SOD2: variants seen among roughly 807,000 people sequenced by gnomAD.
SOD2 encodes superoxide dismutase [Mn], mitochondrial.
Under a neutral mutation model 27.0 loss-of-function variants are expected in SOD2, and 11 were observed. The ratio of observed to expected loss-of-function variants is 0.41; its 90% CI spans 0.26 to 0.67. The LOEUF (loss-of-function observed/expected upper bound fraction) is 0.67, where lower values mean the gene tolerates loss of function less well. Ranked by LOEUF, SOD2 falls within the 30% of genes least tolerant of loss-of-function variation. The probability of loss-of-function intolerance (pLI) is 0.34; values close to 1 mark genes in which losing one functional copy is unlikely to be tolerated. For synonymous variants in SOD2, 105 were observed against 103.0 expected, an observed-to-expected ratio of 1.02 and a Z score of -0.12; for missense variants, 250 against 274.5, an observed-to-expected ratio of 0.91 and a Z score of 0.63.
At chr6:159,734,081 T>C (rs901605539) in intron 1 of SOD2, among the ~76,000 whole-genome samples, 1 of 152,238 alleles carries the variant, frequency 6.6e-6, no homozygotes, top group Non-Finnish European at 1.5e-5. Context: ...GAGTTGAGAT[T>C]GTACGTAGTA....
chr6:159,685,151 A>G (rs143777096), intron 3 of SOD2, 118 bp from the exon 4 acceptor site: 29 of 522,234 alleles, frequency 5.6e-5, no homozygotes, highest in African/African-American at 5.2e-4. Context: ...ATTAGACAAC[A>G]TCAGAATGCG....
Position 159,676,811 on chromosome 6 carries a change from G to A in SOD2, c.*5682C>T, listed in dbSNP as rs577890607. 5.3e-5 allele frequency: 8 copies of A among 152,232 alleles called. No individual in the cohort carries two copies. The highest frequency in any genetic ancestry group is 1.7e-4 in the African/African-American group (7 of 41,542). The allele number at this position is 152,232 out of a possible 1,614,324, so 9.4% of individuals were successfully genotyped here. ...CCTTAAGATCCTCTTTCACAGCAAAGGAGCAGGACTAAAACCAGGCATCTT... is the reference window on the plus strand; with the variant it reads ...CCTTAAGATCCTCTTTCACAGCAAAAGAGCAGGACTAAAACCAGGCATCTT... On this transcript the variant is annotated 3_prime_UTR_variant, in exon 5 of 5. Coordinates refer to ENST00000538183, the MANE Select transcript of SOD2 (RefSeq NM_000636.4).
At chr6:159,705,796 AC>A (rs1392274559) in intron 1 of SOD2, among the ~76,000 whole-genome samples, 52 of 152,184 alleles carry the variant, frequency 3.4e-4, no homozygotes, top group African/African-American at 1.3e-3. Context: ...AAGAAGAGCA[AC>A]TCCAAGACAC....
chr6:159,675,955 C>G lies in SOD2; in HGVS notation c.*6538G>C, dbSNP rs1167979051. On this transcript the variant is annotated 3_prime_UTR_variant, in exon 5 of 5. Transcript: ENST00000538183. ...GTGAAGGATATGAAGAGACACTTCT[C>G]AAAAGAAGACATCCATGCATCCAAC... The G allele has an allele frequency of 1.3e-5, 2 of 152,154 alleles. No homozygotes were observed. The highest frequency in any genetic ancestry group is 4.1e-4 in the South Asian group (2 of 4,828). The allele number at this position is 152,154 out of a possible 1,614,324, so 9.4% of individuals were successfully genotyped here.
chr6:159,727,211 T>A, exon 1 of SOD2: 1 of 1,255,228 alleles, frequency 8.0e-7, no homozygotes, highest in Non-Finnish European at 1.0e-6. Flanking sequence ...GAGCAGCTGC[T>A]CCATTGTGCC....
intron 1 of SOD2, chr6:159,720,616 G>A (rs1470086032): frequency 3.9e-5 from 6 of 152,166 alleles, no homozygotes; most frequent in Non-Finnish European, 7.3e-5. Flanking sequence ...CTGAAACTGA[G>A]ACTATAGTAT....
chr6:159,685,090 TAA>T, intron 3 of SOD2, 57 bp from the exon 4 acceptor site: 1 of 1,337,418 alleles, frequency 7.5e-7, no homozygotes, highest in Non-Finnish European at 1.0e-6. Flanking sequence ...ATAATTACAG[TAA>T]AATGTTATAT....
At chr6:159,709,734 A>G (rs1158277247) in intron 1 of SOD2, among the ~76,000 whole-genome samples, 3 of 152,142 alleles carry the variant, frequency 2.0e-5, no homozygotes, top group Non-Finnish European at 4.4e-5. Context: ...CTAGAACTAG[A>G]AATACCATTT....
chr6:159,732,850 T>TTCTC (rs146820451), intron 1 of SOD2, among the ~76,000 whole-genome samples: 26 of 147,754 alleles, frequency 1.8e-4, no homozygotes, highest in East Asian at 1.2e-3. Context: ...GTCTGCTTCT[T>TTCTC]TCTCTCTCTC....
Position 159,672,398 on chromosome 6 carries a change from C to G in SOD2, c.*10095G>C, listed in dbSNP as rs1273583220. The G allele has an allele frequency of 6.6e-6, 1 of 152,214 alleles. No individual in the cohort carries two copies. Among genetic ancestry groups the G allele is most frequent in the African/African-American group, 2.4e-5 (1 of 41,442 alleles). 9.4% of individuals were successfully genotyped at this position (152,214 alleles called of 1,614,324 possible). A position where few individuals can be genotyped will look rare whatever the true frequency, so the allele number is the denominator to read the frequency against. On this transcript the variant is annotated 3_prime_UTR_variant, in exon 5 of 5. Transcript: ENST00000538183. Reference sequence around the variant, plus strand: ...ATCAGACTAACAGCTGATCTCTCAGCAGAAACTCTACAAGCCAGAAGAGAG... The same window carrying G: ...ATCAGACTAACAGCTGATCTCTCAGGAGAAACTCTACAAGCCAGAAGAGAG...
At chr6:159,702,229 AG>A (rs1777533536) in intron 1 of SOD2, among the ~76,000 whole-genome samples, 1 of 151,872 alleles carries the variant, frequency 6.6e-6, no homozygotes, top group South Asian at 2.1e-4. Flanking sequence ...CTGAGGCGGG[AG>A]GATCCCTTGA....
chr6:159,754,965 C>T (rs1436634547), intron 1 of SOD2: 2 of 1,459,248 alleles, frequency 1.4e-6, no homozygotes, highest in African/African-American at 1.4e-5. Flanking sequence ...GTGGCAGGCA[C>T]TAAAGAAACA....
chr6:159,762,046 G>T (rs368969365), exon 1 of SOD2: 1,194 of 1,608,442 alleles, frequency 7.4e-4, no homozygotes, highest in Non-Finnish European at 9.3e-4. Context: ...GCTTTGCCTA[G>T]CTTGCAGGCA....
At chr6:159,684,572 G>A (rs774111791) in intron 4 of SOD2, among the ~76,000 whole-genome samples, 42 of 152,054 alleles carry the variant, frequency 2.8e-4, no homozygotes, top group Middle Eastern at 3.4e-3. Context: ...AACCGAGATC[G>A]CACCACTGCA....
chr6:159,721,218 C>A (rs1778033871), intron 1 of SOD2, among the ~76,000 whole-genome samples: 1 of 151,758 alleles, frequency 6.6e-6, no homozygotes, highest in Admixed American at 6.6e-5. Context: ...CTGGTGACCA[C>A]CACCACGCCT....
At chr6:159,757,792 G>A (rs944594167) in intron 1 of SOD2, among the ~76,000 whole-genome samples, 1 of 152,172 alleles carries the variant, frequency 6.6e-6, no homozygotes, top group Non-Finnish European at 1.5e-5. Flanking sequence ...AAACATTTTG[G>A]TGTTTGATAT....
rs1270613490 is a variant in SOD2 at position 159,693,069 on chromosome 6, G to T, written c.23+76C>A. On this transcript the variant is annotated intron_variant, in intron 1 of 4. Coordinates refer to ENST00000538183, the MANE Select transcript of SOD2 (RefSeq NM_000636.4). ...CGCCAGGCCCGGTGCGGCCACTGTC[G>T]CCATTGCCGCGGAGGCCCTGCCCGC... The T allele has an allele frequency of 2.0e-6, 3 of 1,504,134 alleles. No homozygotes were observed. In the African/African-American group the frequency reaches 4.4e-5, roughly 22 times the overall value. 93.2% of individuals were successfully genotyped at this position (1,504,134 alleles called of 1,614,324 possible). A position where few individuals can be genotyped will look rare whatever the true frequency, so the allele number is the denominator to read the frequency against.
upstream of SOD2, among the ~76,000 whole-genome samples, chr6:159,695,043 GA>G (rs1430937555): frequency 6.6e-6 from 1 of 152,172 alleles, no homozygotes; most frequent in South Asian, 2.1e-4. Context: ...TTGGGGGGAT[GA>G]AGGGAGTGCA....
exon 1 of SOD2, chr6:159,761,866 C>CCGCCCCG (rs58958183): frequency 0.011 from 2,862 of 262,772 alleles, 40 homozygotes; most frequent in African/African-American, 0.034. Context: ...GGCCTCACTT[C>CCGCCCCG]CGCCCCGCGC....
Sources: allele counts gnomAD v4.1 joint callset (sites outside exome capture counted in the v4.1 genomes callset), GRCh38; gene constraint gnomAD v4.1.1; transcripts MANE v1.5; gene names NCBI Gene and HGNC (gene_info 2026-07-23, HGNC 2026-07-21).